INPP4B: variants seen among roughly 807,000 people sequenced by gnomAD.
INPP4B encodes inositol polyphosphate 4-phosphatase type II.
INPP4B carries 55 observed loss-of-function variants against 122.5 expected under a neutral mutation model. That is an observed-to-expected ratio of 0.45 (90% CI 0.36 to 0.56). The LOEUF (loss-of-function observed/expected upper bound fraction) is 0.56. INPP4B is among the 20% of genes least tolerant of loss of function. The probability of loss-of-function intolerance (pLI) is 0.00; values close to 1 mark genes in which losing one functional copy is unlikely to be tolerated. For synonymous variants in INPP4B, 403 were observed against 388.7 expected (o/e 1.04, Z -0.43); for missense variants, 1,000 against 1,097.7 (o/e 0.91, Z 1.26).
chr4:142,104,457 A>C (rs902803659), intron 23 of INPP4B, among the ~76,000 whole-genome samples: 1 of 152,204 alleles, frequency 6.6e-6, no homozygotes, highest in African/African-American at 2.4e-5. Context: ...AATAACTGCC[A>C]CACTGGAATT....
intron 23 of INPP4B, among the ~76,000 whole-genome samples, chr4:142,104,266 A>C (rs1449563875): frequency 6.6e-6 from 1 of 152,188 alleles, no homozygotes; most frequent in Non-Finnish European, 1.5e-5. Flanking sequence ...TATGAGACGC[A>C]GTGGTGACTT....
At chr4:142,351,992 C>T (rs1284440923) in intron 7 of INPP4B, among the ~76,000 whole-genome samples, 2 of 151,910 alleles carry the variant, frequency 1.3e-5, no homozygotes, top group Admixed American at 1.3e-4. Flanking sequence ...CATTTGCTTG[C>T]TGCCAGATAT....
chr4:142,030,248 TAGAC>T, intron 25 of INPP4B: 2 of 1,535,670 alleles, frequency 1.3e-6, no homozygotes, highest in Non-Finnish European at 1.7e-6. Context: ...TGTTATCAGT[TAGAC>T]AGCCTGTTTC....
chr4:142,212,729 G>A (rs1277321023), intron 12 of INPP4B, among the ~76,000 whole-genome samples: 1 of 152,168 alleles, frequency 6.6e-6, no homozygotes, highest in East Asian at 1.9e-4. Context: ...TCCACCACAA[G>A]AACCAGGATT....
chr4:142,838,632 C>A lies in INPP4B; in HGVS notation c.-254+7577G>T, dbSNP rs552872495. Among the ~76,000 whole-genome samples, 5 of 152,160 alleles carry A rather than the reference C, an allele frequency of 3.3e-5. No individual in the cohort carries two copies. The South Asian group carries it at 1.0e-3, about 32-fold the overall frequency. On this transcript the variant is annotated intron_variant, in intron 1 of 25. Transcript: ENST00000262992. ...TATGCTTTGCTCCCTATATAACTTG[C>A]AAGTATAAAAGACACACCATGGCAT...
At chr4:142,671,212 A>G (rs1756943089) in intron 2 of INPP4B, among the ~76,000 whole-genome samples, 1 of 152,100 alleles carries the variant, frequency 6.6e-6, no homozygotes, top group Non-Finnish European at 1.5e-5. Flanking sequence ...TGAACCATAT[A>G]AATCTATACT....
At chr4:142,214,664 T>G (rs1846294955) in intron 12 of INPP4B, among the ~76,000 whole-genome samples, 1 of 152,186 alleles carries the variant, frequency 6.6e-6, no homozygotes, top group South Asian at 2.1e-4. Flanking sequence ...GTGATTCTCC[T>G]GCCTCAGCCT....
At chr4:142,035,897 G>A (rs917445072) in intron 25 of INPP4B, among the ~76,000 whole-genome samples, 13 of 152,064 alleles carry the variant, frequency 8.5e-5, no homozygotes, top group Non-Finnish European at 1.6e-4. Context: ...GGTAGGGAGA[G>A]GGGCAGGAGG....
intron 2 of INPP4B, among the ~76,000 whole-genome samples, chr4:142,614,370 T>G (rs1743244500): frequency 6.6e-6 from 1 of 152,114 alleles, no homozygotes; most frequent in Non-Finnish European, 1.5e-5. Context: ...TGAGCTCCTA[T>G]CTCTCAGTAT....
intron 5 of INPP4B, among the ~76,000 whole-genome samples, chr4:142,421,440 A>G (rs1436041125): frequency 6.6e-6 from 1 of 152,170 alleles, no homozygotes; most frequent in Non-Finnish European, 1.5e-5. Context: ...CCCCAGAGGC[A>G]GTAAGACTCA....
At chr4:142,205,877 T>A (rs1842396531) in intron 14 of INPP4B, among the ~76,000 whole-genome samples, 1 of 152,148 alleles carries the variant, frequency 6.6e-6, no homozygotes, top group Non-Finnish European at 1.5e-5. Context: ...TTAAAAATCA[T>A]TACCTACTGT....
chr4:142,235,756 TCA>T (rs1318640528), intron 12 of INPP4B, among the ~76,000 whole-genome samples: 1 of 152,258 alleles, frequency 6.6e-6, no homozygotes, highest in Non-Finnish European at 1.5e-5. Context: ...GTCTATGTCT[TCA>T]CAGACATTTT....
At chr4:142,174,860 G>A (rs1046551618) in intron 15 of INPP4B, among the ~76,000 whole-genome samples, 1 of 151,980 alleles carries the variant, frequency 6.6e-6, no homozygotes, top group African/African-American at 2.4e-5. Flanking sequence ...TGAATGCCTA[G>A]CCTCGAGCCA....
At chr4:142,309,121 A>G (rs1455607860) in intron 8 of INPP4B, among the ~76,000 whole-genome samples, 1 of 152,208 alleles carries the variant, frequency 6.6e-6, no homozygotes, top group Non-Finnish European at 1.5e-5. Flanking sequence ...GAAAGCATCT[A>G]GCCAGGAAAA....
intron 2 of INPP4B, among the ~76,000 whole-genome samples, chr4:142,546,164 A>G (rs1322979395): frequency 6.6e-6 from 1 of 151,822 alleles, no homozygotes; most frequent in African/African-American, 2.4e-5. Flanking sequence ...TTTAGTTCCC[A>G]CTTGTAAATG....
At chr4:142,602,206 A>G (rs1238247416) in intron 2 of INPP4B, among the ~76,000 whole-genome samples, 1 of 152,026 alleles carries the variant, frequency 6.6e-6, no homozygotes, top group Admixed American at 6.6e-5. Flanking sequence ...CAGAGAGCCA[A>G]ATCATGAATG....
At chr4:142,797,112 T>C (rs1478181861) in intron 1 of INPP4B, among the ~76,000 whole-genome samples, 1 of 151,970 alleles carries the variant, frequency 6.6e-6, no homozygotes, top group East Asian at 1.9e-4. Context: ...ATTTAGAGCT[T>C]ACTATGTGCC....
intron 7 of INPP4B, among the ~76,000 whole-genome samples, chr4:142,387,951 C>T (rs971659861): frequency 6.6e-6 from 1 of 152,200 alleles, no homozygotes; most frequent in African/African-American, 2.4e-5. Context: ...GCTCTTACCA[C>T]AGCAGCCCAG....
intron 2 of INPP4B, among the ~76,000 whole-genome samples, chr4:142,635,082 T>C (rs1384619571): frequency 6.6e-6 from 1 of 151,990 alleles, no homozygotes; most frequent in Non-Finnish European, 1.5e-5. Flanking sequence ...AAGACATACA[T>C]GTGGCCAACA....
Sources: allele counts gnomAD v4.1 joint callset (sites outside exome capture counted in the v4.1 genomes callset), GRCh38; gene constraint gnomAD v4.1.1; transcripts MANE v1.5; gene names NCBI Gene and HGNC (gene_info 2026-07-23, HGNC 2026-07-21).